Variants in PLXDC2 observed in about 807,000 individuals in gnomAD.
The protein encoded by PLXDC2 is plexin domain-containing protein 2.
Under a neutral mutation model 68.9 loss-of-function variants are expected in PLXDC2, and 40 were observed. That is an observed-to-expected ratio of 0.58 (90% CI 0.45 to 0.76). The LOEUF is 0.76. Among genes scored for constraint, PLXDC2 ranks in the 30% least tolerant of loss-of-function variants. PLXDC2 has a pLI of 0.00. For synonymous variants in PLXDC2, 243 were observed against 234.2 expected (o/e 1.04, Z -0.34); for missense variants, 644 against 661.9 (o/e 0.97, Z 0.30).
intron 1 of PLXDC2, among the ~76,000 whole-genome samples, chr10:19,842,734 T>G (rs574349907): frequency 1.7e-4 from 26 of 152,304 alleles, no homozygotes; most frequent in Middle Eastern, 3.4e-3. Context: ...AGAAGAAGGA[T>G]GTAGGTCTTA....
At chr10:20,086,860 T>A (rs1205384183) in intron 4 of PLXDC2, among the ~76,000 whole-genome samples, 7 of 152,172 alleles carry the variant, frequency 4.6e-5, no homozygotes, top group African/African-American at 1.7e-4. Context: ...TGAATAACTG[T>A]TGTGCCACTT....
intron 2 of PLXDC2, chr10:20,043,516 G>T (rs1369296528): frequency 6.6e-6 from 1 of 151,964 alleles, no homozygotes; most frequent in Non-Finnish European, 1.5e-5. Context: ...AAATGCCAAG[G>T]TTATTTTATA....
chr10:20,111,543 A>C (rs1164186802), intron 4 of PLXDC2, among the ~76,000 whole-genome samples: 1 of 152,360 alleles, frequency 6.6e-6, no homozygotes, highest in Middle Eastern at 3.4e-3. Context: ...AGTTTAGTTC[A>C]AAAGATAAAA....
chr10:20,094,813 C>T (rs1312325894), intron 4 of PLXDC2, among the ~76,000 whole-genome samples: 1 of 152,116 alleles, frequency 6.6e-6, no homozygotes, highest in Non-Finnish European at 1.5e-5. Flanking sequence ...ACTTTTTCCT[C>T]TGGGACTCAT....
At chr10:20,233,188 A>T (rs891081854) in intron 12 of PLXDC2, among the ~76,000 whole-genome samples, 2 of 151,874 alleles carry the variant, frequency 1.3e-5, no homozygotes, top group Non-Finnish European at 2.9e-5. Context: ...GTGTTGGGGG[A>T]TGGGATTCAA....
intron 2 of PLXDC2, among the ~76,000 whole-genome samples, chr10:20,028,527 A>G (rs1181584751): frequency 6.6e-6 from 1 of 152,092 alleles, no homozygotes; most frequent in African/African-American, 2.4e-5. Flanking sequence ...TTTGTTTTTT[A>G]GTTTTTAAAA....
At chr10:20,170,490 C>A (rs1270010665) in intron 7 of PLXDC2, among the ~76,000 whole-genome samples, 5 of 152,172 alleles carry the variant, frequency 3.3e-5, no homozygotes, top group Admixed American at 1.3e-4. Flanking sequence ...ATGCCCGGCA[C>A]AGGCAGTAAT....
chr10:19,871,923 CA>C (rs1208062794), intron 1 of PLXDC2, among the ~76,000 whole-genome samples: 1 of 151,516 alleles, frequency 6.6e-6, no homozygotes, highest in Non-Finnish European at 1.5e-5. Flanking sequence ...CATTGTTTAC[CA>C]TATGCCCATT....
At chr10:20,092,706 T>C (rs538216176) in intron 4 of PLXDC2, among the ~76,000 whole-genome samples, 7 of 151,938 alleles carry the variant, frequency 4.6e-5, no homozygotes, top group Non-Finnish European at 1.0e-4. Flanking sequence ...GGAGACAGGA[T>C]CAAATTAAAT....
At chr10:20,273,224 A>G (rs553337537) in intron 13 of PLXDC2, among the ~76,000 whole-genome samples, 1 of 151,870 alleles carries the variant, frequency 6.6e-6, no homozygotes, top group East Asian at 1.9e-4. Context: ...GCATTCATTC[A>G]CTCTGTTTCC....
intron 1 of PLXDC2, among the ~76,000 whole-genome samples, chr10:19,950,751 T>C (rs1833978355): frequency 6.6e-6 from 1 of 152,062 alleles, no homozygotes; most frequent in African/African-American, 2.4e-5. Flanking sequence ...ACTTCAAACA[T>C]AGTATACGGC....
chr10:19,888,556 C>T (rs765471088), intron 1 of PLXDC2, among the ~76,000 whole-genome samples: 1 of 152,116 alleles, frequency 6.6e-6, no homozygotes, highest in Non-Finnish European at 1.5e-5. Context: ...CAGAATATGG[C>T]TGTAGGGCAC....
At chr10:19,885,386 T>C (rs553438734) in intron 1 of PLXDC2, among the ~76,000 whole-genome samples, 2 of 152,214 alleles carry the variant, frequency 1.3e-5, no homozygotes, top group African/African-American at 4.8e-5. Context: ...TTTTGGCTTT[T>C]GTTGCCATTG....
chr10:20,051,070 A>G (rs1300607976), intron 3 of PLXDC2, among the ~76,000 whole-genome samples: 4 of 152,000 alleles, frequency 2.6e-5, no homozygotes, highest in Admixed American at 2.6e-4. Context: ...AAAGAACAAG[A>G]TCATGTCTTT....
At chr10:20,152,558 C>CT (rs1834165847) in intron 6 of PLXDC2, among the ~76,000 whole-genome samples, 1 of 152,000 alleles carries the variant, frequency 6.6e-6, no homozygotes, top group Non-Finnish European at 1.5e-5. Flanking sequence ...TTTTAAAGTT[C>CT]TTTTTCTCAA....
chr10:20,280,526 A>C lies in PLXDC2; in HGVS notation c.*707A>C, dbSNP rs1423591393. On this transcript the variant is annotated 3_prime_UTR_variant, in exon 14 of 14. Transcript: ENST00000377252. ...ATGAGCTGTGACAAAATTTCCGAAC[A>C]ATTAACTAAGGATTTGGGAAGAGGG... The C allele has an allele frequency of 1.3e-5, 2 of 152,012 alleles. No individual in the cohort carries two copies. The highest frequency in any genetic ancestry group is 4.8e-5 in the African/African-American group (2 of 41,394). 9.4% of individuals were successfully genotyped at this position (152,012 alleles called of 1,614,324 possible). A position where few individuals can be genotyped will look rare whatever the true frequency, so the allele number is the denominator to read the frequency against.
At chr10:20,091,216 T>G (rs1268763537) in intron 4 of PLXDC2, among the ~76,000 whole-genome samples, 3 of 152,174 alleles carry the variant, frequency 2.0e-5, no homozygotes, top group African/African-American at 7.2e-5. Flanking sequence ...ACACTGAATT[T>G]AATATCACAC....
At chr10:19,973,266 A>C (rs1834385930) in intron 1 of PLXDC2, among the ~76,000 whole-genome samples, 1 of 149,098 alleles carries the variant, frequency 6.7e-6, no homozygotes, top group Non-Finnish European at 1.5e-5. Flanking sequence ...ATATATACTC[A>C]CAGATATATG....
rs191570998 is a variant in PLXDC2 at position 19,888,112 on chromosome 10, T to C, written c.112+70921T>C. ...AATGAATTTGCTATAATTAAAGCAC[T>C]CCCTTTTTGAAGAGCTTTCCTTTCC... On this transcript the variant is annotated intron_variant, in intron 1 of 13. Transcript: ENST00000377252. Among the ~76,000 whole-genome samples the C allele has an allele frequency of 1.4e-4, 22 of 152,344 alleles. No individual in the cohort carries two copies. In the East Asian group the frequency reaches 3.9e-3, roughly 27 times the overall value.
Sources: allele counts gnomAD v4.1 joint callset (sites outside exome capture counted in the v4.1 genomes callset), GRCh38; gene constraint gnomAD v4.1.1; transcripts MANE v1.5; gene names NCBI Gene and HGNC (gene_info 2026-07-23, HGNC 2026-07-21).